Variants in PREP observed in about 807,000 individuals in gnomAD.
PREP encodes the protein prolyl endopeptidase, also known as dJ355L5.1 (prolyl endopeptidase).
PREP carries 29 observed loss-of-function variants against 87.6 expected under a neutral mutation model. The observed-to-expected ratio is 0.33, with a 90% CI of 0.25 to 0.45. The LOEUF (loss-of-function observed/expected upper bound fraction) is 0.45. Ranked by LOEUF, PREP falls within the 20% of genes least tolerant of loss-of-function variation. PREP has a pLI of 1.00. For synonymous variants in PREP, 337 were observed against 328.6 expected, an observed-to-expected ratio of 1.03 and a Z score of -0.28; for missense variants, 695 against 886.5, an observed-to-expected ratio of 0.78 and a Z score of 2.74.
At chr6:105,351,718 T>A (rs1771957074) in intron 7 of PREP, among the ~76,000 whole-genome samples, 1 of 152,238 alleles carries the variant, frequency 6.6e-6, no homozygotes, top group South Asian at 2.1e-4. Context: ...AGGCTCAATC[T>A]TAAAAGGTTT....
intron 10 of PREP, among the ~76,000 whole-genome samples, chr6:105,293,890 A>G (rs565913663): frequency 1.9e-4 from 29 of 152,274 alleles, no homozygotes; most frequent in Non-Finnish European, 4.0e-4. Context: ...ATTTTCCATC[A>G]CGTACTTTCT....
chr6:105,360,217 T>A lies in PREP; in HGVS notation c.718-7140A>T, dbSNP rs111967551. ...AAGTACACACTTAAGAATGTGGCTT[T>A]GTGCTGTGAGTCAGCTAATCTGTGA... On this transcript the variant is annotated intron_variant, in intron 6 of 14. Transcript: ENST00000652536. Among the ~76,000 whole-genome samples, 745 of 152,316 alleles carry A rather than the reference T, an allele frequency of 4.9e-3. 2 individuals are homozygous for A. The highest frequency in any genetic ancestry group is 0.017 in the African/African-American group (689 of 41,582).
At chr6:105,311,773 C>A (rs1229401761) in intron 10 of PREP, among the ~76,000 whole-genome samples, 1 of 152,214 alleles carries the variant, frequency 6.6e-6, no homozygotes, top group East Asian at 1.9e-4. Flanking sequence ...CCCATCCCAC[C>A]TCCACCCATC....
intron 7 of PREP, among the ~76,000 whole-genome samples, chr6:105,350,277 C>A (rs78984174): frequency 0.028 from 4,221 of 152,058 alleles, 208 homozygotes; most frequent in African/African-American, 0.096. Flanking sequence ...AAGTCCTTTT[C>A]TTTGCATTTT....
At chr6:105,337,015 G>T (rs1771501221) in intron 7 of PREP, among the ~76,000 whole-genome samples, 1 of 151,500 alleles carries the variant, frequency 6.6e-6, no homozygotes, top group South Asian at 2.1e-4. Flanking sequence ...TTCCCAATCT[G>T]GCAGGTCATT....
At chr6:105,290,637 C>G (rs1194593429) in intron 10 of PREP, among the ~76,000 whole-genome samples, 1 of 151,878 alleles carries the variant, frequency 6.6e-6, no homozygotes, top group African/African-American at 2.4e-5. Flanking sequence ...ATTCAACTTC[C>G]TCCTCCCATA....
At position 105,281,815 on chromosome 6, in the gene PREP, G is replaced by GTATATT; in HGVS notation, c.1763_1768dup (p.Lys588_Tyr589dup). The GTATATT allele has an allele frequency of 6.2e-7, 1 of 1,614,146 alleles. No individual in the cohort carries two copies. Among genetic ancestry groups the GTATATT allele is most frequent in the Non-Finnish European group, 8.5e-7 (1 of 1,180,026 alleles). On this transcript the variant is annotated inframe_insertion, in exon 14 of 15. Coordinates refer to ENST00000652536, the MANE Select transcript of PREP (RefSeq NM_002726.5). Reference sequence around the variant, plus strand: ...ATCAGTGGTCCAAGCATGGCCGATGGTATATTTATGAAACTTCAGCATGTC... The same window carrying GTATATT: ...ATCAGTGGTCCAAGCATGGCCGATGGTATATTTATATTTATGAAACTTCAGCATGTC...
chr6:105,398,153 T>A (rs149428494), intron 1 of PREP, among the ~76,000 whole-genome samples: 1 of 152,160 alleles, frequency 6.6e-6, no homozygotes, highest in African/African-American at 2.4e-5. Context: ...GAAAGAAAGA[T>A]GAAAGGTCAG....
chr6:105,307,435 C>A (rs1402300955), intron 10 of PREP, among the ~76,000 whole-genome samples: 4 of 152,170 alleles, frequency 2.6e-5, no homozygotes, highest in Admixed American at 2.6e-4. Flanking sequence ...GGTTTTCCCT[C>A]CACTGAATTG....
intron 2 of PREP, among the ~76,000 whole-genome samples, chr6:105,383,951 G>A (rs1424269614): frequency 6.6e-6 from 1 of 152,030 alleles, no homozygotes; most frequent in Non-Finnish European, 1.5e-5. Context: ...TCCCTCTCCT[G>A]AATAATTCTG....
chr6:105,278,519 AGTGAGGACTGCAGTTAACTAGTAC>A lies in PREP; in HGVS notation c.1839-105_1839-82del. The A allele has an allele frequency of 1.4e-6, 2 of 1,398,482 alleles. No homozygotes were observed. The highest frequency in any genetic ancestry group is 3.7e-4 in the Middle Eastern group (2 of 5,438). The allele number at this position is 1,398,482 out of a possible 1,614,324, so 86.6% of individuals were successfully genotyped here. A position where few individuals can be genotyped will look rare whatever the true frequency, so the allele number is the denominator to read the frequency against. ...ACAGGGACCTAGGTAGTTAATTAGC[AGTGAGGACTGCAGTTAACTAGTAC>A]GTGAGTGACCACCATGGACTGTGCC... is the stretch of plus-strand genomic sequence containing the variant. On this transcript the variant is annotated intron_variant, in intron 14 of 14. Coordinates refer to ENST00000652536, the MANE Select transcript of PREP (RefSeq NM_002726.5). The surrounding 1 kb of genome is among the most constrained non-coding windows in gnomAD (Gnocchi z 4.2).
intron 9 of PREP, 134 bp downstream of exon 9, chr6:105,328,695 C>T (rs933446206): frequency 1.4e-5 from 13 of 911,032 alleles, no homozygotes; most frequent in African/African-American, 1.3e-4. Context: ...CCGTTTTATT[C>T]CCATTAAGTA....
chr6:105,335,254 C>T (rs1041693488), intron 7 of PREP, among the ~76,000 whole-genome samples: 2 of 152,186 alleles, frequency 1.3e-5, no homozygotes, highest in Non-Finnish European at 2.9e-5. Flanking sequence ...TCTATGACTT[C>T]TAAACTACTA....
In PREP at chr6:105,373,393, G is replaced by C. The variant is rs1772606990; in HGVS notation, c.571C>G (p.Pro191Ala). ...DGKGMFYNSY[P>A]QQDGKSDGTE... ...CCATCACTTTTTCCATCCTGTTGAG[G>C]GTATGAGTTGTAGAACATTCCCTTC... Residue 191 changes from proline to alanine, a missense_variant, in exon 5 of 15, where the codon CCT (proline) becomes GCT (alanine). Transcript: ENST00000652536. 1.2e-6 allele frequency: 2 copies of C among 1,613,974 alleles called. No homozygotes were observed. Among genetic ancestry groups the C allele is most frequent in the Non-Finnish European group, 1.7e-6 (2 of 1,180,004 alleles).
In PREP at chr6:105,329,036, T is replaced by A. The variant is rs1165584782; in HGVS notation, c.1016-10A>T. 1.2e-6 allele frequency: 2 copies of A among 1,609,132 alleles called. No homozygotes were observed. Among genetic ancestry groups the A allele is most frequent in the East Asian group, 2.2e-5 (1 of 44,844 alleles). The stretch of plus-strand genomic sequence containing the variant: ...ACACAAGCTATCCATTCTGAAAGGA[T>A]AAGAAGAGAAAAAACCTAATGCAAT... On this transcript the variant is annotated splice_polypyrimidine_tract_variant and intron_variant, in intron 8 of 14. Transcript: ENST00000652536.
chr6:105,314,411 T>C (rs1327296173), intron 10 of PREP, among the ~76,000 whole-genome samples: 1 of 152,234 alleles, frequency 6.6e-6, no homozygotes, highest in African/African-American at 2.4e-5. Flanking sequence ...CTTTCAAAAC[T>C]GGTGTGAAGC....
intron 10 of PREP, among the ~76,000 whole-genome samples, chr6:105,299,786 T>A (rs977495098): frequency 9.8e-5 from 15 of 152,306 alleles, no homozygotes; most frequent in African/African-American, 3.6e-4. Flanking sequence ...GAGCCTTTGG[T>A]ATAGATTTAA....
Position 105,378,363 on chromosome 6 carries a change from G to C in PREP, c.121-844C>G, listed in dbSNP as rs1415098850. On this transcript the variant is annotated intron_variant, in intron 2 of 14. Transcript: ENST00000652536. ...AATTCCAGCTACTCAGGGTGGCTGAGGCACAAAAATCGCTTGAATCCGGGA... is the reference window on the plus strand; with the variant it reads ...AATTCCAGCTACTCAGGGTGGCTGACGCACAAAAATCGCTTGAATCCGGGA... Among the ~76,000 whole-genome samples, 4 of 152,342 alleles carry C rather than the reference G, an allele frequency of 2.6e-5. No homozygotes were observed. In the South Asian group the frequency reaches 8.3e-4, roughly 32 times the overall value.
intron 5 of PREP, among the ~76,000 whole-genome samples, chr6:105,372,902 C>T (rs1043968740): frequency 1.3e-5 from 2 of 152,208 alleles, no homozygotes; most frequent in African/African-American, 4.8e-5. Context: ...CTCTGGCTTG[C>T]TTTAGCCAAC....
Sources: gnomAD v4.1 joint callset for allele counts (sites outside exome capture counted in the v4.1 genomes callset) on GRCh38, gnomAD v4.1.1 for gene constraint, Gnocchi (gnomAD v3.1) non-coding constraint, MANE v1.5 for transcripts, NCBI Gene and HGNC (gene_info 2026-07-23, HGNC 2026-07-21) for gene names.